Variants in SELENOV observed in about 807,000 individuals in gnomAD.
The protein encoded by SELENOV is selenoprotein V.
A neutral mutation model predicts 21.6 loss-of-function variants in SELENOV; 25 were observed. That is an observed-to-expected ratio of 1.16 (90% CI 0.84 to 1.62). The LOEUF is 1.62. SELENOV is among the 40% of genes most tolerant of loss of function. SELENOV has a pLI of 0.00. For synonymous variants in SELENOV, 227 were observed against 216.9 expected (o/e 1.05, Z -0.41); for missense variants, 472 against 459.0 (o/e 1.03, Z -0.26).
intron 1 of SELENOV, among the ~76,000 whole-genome samples, chr19:39,517,461 A>G (rs2079703054): frequency 6.6e-6 from 1 of 152,086 alleles, no homozygotes; most frequent in Non-Finnish European, 1.5e-5. Context: ...ATGATCTCAT[A>G]TGTGAGGAGG....
At position 39,518,957 on chromosome 19, in the gene SELENOV, AGACTGGT is replaced by A; in HGVS notation, c.944_950del (p.Arg315ThrfsTer?). On this transcript the variant is annotated frameshift_variant, in exon 4 of 6. Transcript: ENST00000335426. LOFTEE classifies it high-confidence loss of function. ...GGAGTTTGAGGTGTTTGTGAACGGG[AGACTGGT>A]CCATTCCAAGAAGGTGATCCTGAGT... is the stretch of plus-strand genomic sequence containing the variant. 6.2e-7 allele frequency: 1 copy of A among 1,613,690 alleles called. No homozygotes were observed. Among genetic ancestry groups the A allele is most frequent in the Non-Finnish European group, 8.5e-7 (1 of 1,179,828 alleles).
At position 39,515,238 on chromosome 19, in the gene SELENOV, C is replaced by G. The variant is rs1192240053; in HGVS notation, c.26C>G (p.Ala9Gly). 6 of 1,549,810 alleles carry G rather than the reference C, an allele frequency of 3.9e-6. No individual in the cohort carries two copies. The highest frequency in any genetic ancestry group is 5.2e-6 in the Non-Finnish European group (6 of 1,146,568). Residue 9 changes from alanine to glycine, a missense_variant, in exon 1 of 6, where the codon GCC becomes GGC. Physicochemically the swap from Ala to Gly is moderately conservative, Grantham distance 60. Coordinates refer to ENST00000335426, the Ensembl canonical transcript of SELENOV. This position sits in a 1 kb window ranked among gnomAD's most constrained non-coding sequence, Gnocchi z 5.1. ...ATGAATAACCAGGCGCGGACCCCAG[C>G]CCCCTCCTCGGCGCGGACTTCAACC...
intron 1 of SELENOV, chr19:39,516,321 TC>T (rs1199803327): frequency 1.8e-6 from 1 of 554,800 alleles, no homozygotes; most frequent in Non-Finnish European, 3.4e-6. Flanking sequence ...AGCAGATCGA[TC>T]TACTTTGCTC....
At chr19:39,518,476 T>C in intron 1 of SELENOV, 132 bp from the exon 2 acceptor site, 1 of 909,716 alleles carries the variant, frequency 1.1e-6, no homozygotes. Context: ...TGGCACTACT[T>C]CGGGATTCTG....
chr19:39,517,988 A>AAAAAAAAAC (rs1568455350), intron 1 of SELENOV, among the ~76,000 whole-genome samples: 1 of 140,902 alleles, frequency 7.1e-6, no homozygotes, highest in African/African-American at 2.6e-5. Flanking sequence ...AAAAAAAAAA[A>AAAAAAAAAC]AAAGCCCAGC....
At chr19:39,516,393 C>G in intron 1 of SELENOV, 1 of 394,950 alleles carries the variant, frequency 2.5e-6, no homozygotes. Flanking sequence ...CCTTCCCAGC[C>G]TCTCTCCTGC....
intron 1 of SELENOV, 138 bp from the exon 2 acceptor site, chr19:39,518,470 A>G (rs2079711076): frequency 2.4e-6 from 2 of 849,060 alleles, no homozygotes; most frequent in Non-Finnish European, 3.9e-6. Flanking sequence ...GTGAGATGGC[A>G]CTACTTCGGG....
At position 39,515,758 on chromosome 19, in the gene SELENOV, C is replaced by T. The variant is rs1208664807; in HGVS notation, c.546C>T (p.Ser182=). The change falls in exon 1 of 6, where the codon TCC becomes TCT. Residue 182 remains serine, a synonymous_variant. Coordinates refer to ENST00000335426, the Ensembl canonical transcript of SELENOV. This position sits in a 1 kb window ranked among gnomAD's most constrained non-coding sequence, Gnocchi z 5.1. ...GCCTGAAGCTCATCCCGTCGGTCTC[C>T]AGCGAGGCCGGGCCCGCCCCGGGGC... is the stretch of plus-strand genomic sequence containing the variant. 2 of 1,549,338 alleles carry T rather than the reference C, an allele frequency of 1.3e-6. No homozygotes were observed. Among genetic ancestry groups the T allele is most frequent in the Non-Finnish European group, 8.7e-7 (1 of 1,146,306 alleles).
intron 1 of SELENOV, 34 bp from the exon 2 acceptor site, chr19:39,518,574 C>T: frequency 6.3e-7 from 1 of 1,582,296 alleles, no homozygotes; most frequent in Non-Finnish European, 8.6e-7. Flanking sequence ...CCTGGTCTCT[C>T]TCTTAACTTT....
chr19:39,517,809 C>G, intron 1 of SELENOV, among the ~76,000 whole-genome samples: 1 of 150,710 alleles, frequency 6.6e-6, no homozygotes, highest in East Asian at 2.0e-4. Context: ...TAAAAAATTT[C>G]AAAAATTAGC....
In SELENOV at chr19:39,515,954, G is replaced by C. The variant is rs372467426; in HGVS notation, c.742G>C (p.Glu248Gln). Residue 248 changes from glutamate to glutamine, a missense_variant, in exon 1 of 6, where the codon GAA becomes CAA. Coordinates refer to ENST00000335426, the Ensembl canonical transcript of SELENOV. The surrounding 1 kb of genome is among the most constrained non-coding windows in gnomAD (Gnocchi z 5.1). The stretch of plus-strand genomic sequence containing the variant: ...GGCCATCTCCTTACAGAATTGTACG[G>C]AAACCTTCCCCTCCTCCAGCGAGAA... 15 of 1,608,346 alleles carry C rather than the reference G, an allele frequency of 9.3e-6. No homozygotes were observed. In the African/African-American group the frequency reaches 1.9e-4, roughly 20 times the overall value.
At chr19:39,519,218 T>TAGG (rs1431575013) in intron 5 of SELENOV, 48 bp downstream of exon 5, 1 of 1,317,114 alleles carries the variant, frequency 7.6e-7, no homozygotes, top group Non-Finnish European at 1.1e-6. Context: ...GGAGGCCGGG[T>TAGG]AGGAGGATGG....
At chr19:39,519,094 G>A (rs1189252669) in exon 5 of SELENOV, 3 of 1,613,732 alleles carry the variant, frequency 1.9e-6, no homozygotes, top group Non-Finnish European at 2.5e-6. Context: ...TTGTGAACGA[G>A]TCCAGGCTGC....
chr19:39,519,572 GGGT>G (rs1175526243), intron 5 of SELENOV, among the ~76,000 whole-genome samples: 2 of 151,850 alleles, frequency 1.3e-5, no homozygotes, highest in Non-Finnish European at 2.9e-5. Flanking sequence ...AGCCTGAGGT[GGGT>G]GGATTGCTTG....
chr19:39,518,303 A>AGAG lies in SELENOV; in HGVS notation c.810-305_810-304insGAG, dbSNP rs1267904436. On this transcript the variant is annotated intron_variant, in intron 1 of 5. Transcript: ENST00000335426. ...CAAAAAAACAAAAAAACAAAAAAAA[A>AGAG]AGAGAGAGAGAGAGAAAGAAAGATG... Among the ~76,000 whole-genome samples, 1,200 of 150,424 alleles carry AGAG rather than the reference A, an allele frequency of 8.0e-3. 21 individuals carry two copies. Among genetic ancestry groups the AGAG allele is most frequent in the African/African-American group, 0.028 (1,143 of 40,856 alleles).
chr19:39,520,588 G>T (rs1345444303), exon 6 of SELENOV: 1 of 152,108 alleles, frequency 6.6e-6, no homozygotes, highest in African/African-American at 2.4e-5. Flanking sequence ...ATGCTCCAGG[G>T]CCCACTTTCT....
chr19:39,520,207 T>TGGCTGG (rs141508342), exon 6 of SELENOV: 1,991 of 152,736 alleles, frequency 0.013, 28 homozygotes, highest in Middle Eastern at 0.024. Context: ...TTTCTGATGG[T>TGGCTGG]GGCTGGGGCT....
In SELENOV at chr19:39,515,397, T is replaced by C. The variant is rs973277019; in HGVS notation, c.185T>C (p.Leu62Pro). ...CCAGCCGGGACTTCCCCTCTGGTCCTGACTCCTGCTCCAGCCCAGATTCCC... is the reference window on the plus strand; with the variant it reads ...CCAGCCGGGACTTCCCCTCTGGTCCCGACTCCTGCTCCAGCCCAGATTCCC... Residue 62 changes from leucine to proline, a missense_variant, in exon 1 of 6, where the codon CTG (leucine) becomes CCG (proline). Coordinates refer to ENST00000335426, the Ensembl canonical transcript of SELENOV. This position sits in a 1 kb window ranked among gnomAD's most constrained non-coding sequence, Gnocchi z 5.1. The C allele has an allele frequency of 1.9e-6, 3 of 1,551,552 alleles. No individual in the cohort carries two copies. The highest frequency in any genetic ancestry group is 2.6e-6 in the Non-Finnish European group (3 of 1,146,922).
intron 5 of SELENOV, among the ~76,000 whole-genome samples, chr19:39,519,825 C>T (rs1247344718): frequency 2.0e-5 from 3 of 151,806 alleles, no homozygotes; most frequent in African/African-American, 4.8e-5. Context: ...ATTAGCCAGG[C>T]GTGGTGGCGG....
Sources: allele counts gnomAD v4.1 joint callset (sites outside exome capture counted in the v4.1 genomes callset), GRCh38; gene constraint gnomAD v4.1.1; non-coding constraint Gnocchi (gnomAD v3.1); transcripts MANE v1.5; gene names NCBI Gene and HGNC (gene_info 2026-07-23, HGNC 2026-07-21).